RABEP1: variants seen among roughly 807,000 people sequenced by gnomAD.
RABEP1 encodes the protein rab GTPase-binding effector protein 1.
RABEP1 carries 51 observed loss-of-function variants against 123.4 expected under a neutral mutation model. The ratio of observed to expected loss-of-function variants is 0.41; its 90% CI spans 0.33 to 0.52. The LOEUF (loss-of-function observed/expected upper bound fraction) is 0.52. Ranked by LOEUF, RABEP1 falls within the 20% of genes least tolerant of loss-of-function variation. The pLI is 0.16. For missense variants in RABEP1, 888 were observed against 996.3 expected, an observed-to-expected ratio of 0.89 and a Z score of 1.46; for synonymous variants, 347 against 355.2, an observed-to-expected ratio of 0.98 and a Z score of 0.26.
chr17:5,323,844 A>G (rs947497799), intron 2 of RABEP1, among the ~76,000 whole-genome samples: 2 of 139,982 alleles, frequency 1.4e-5, no homozygotes, highest in Admixed American at 7.4e-5. Context: ...CTAGGAATAT[A>G]TATATATATC....
intron 5 of RABEP1, among the ~76,000 whole-genome samples, chr17:5,340,694 C>T (rs1262728793): frequency 6.7e-6 from 1 of 149,130 alleles, no homozygotes; most frequent in Non-Finnish European, 1.5e-5. Context: ...TGCCTGTAAT[C>T]CCAGCACTTT....
At chr17:5,297,801 C>T (rs1440644448) in intron 1 of RABEP1, among the ~76,000 whole-genome samples, 3 of 152,164 alleles carry the variant, frequency 2.0e-5, no homozygotes, top group Non-Finnish European at 4.4e-5. Flanking sequence ...GATTCAAACC[C>T]TAGTTTAATT....
At chr17:5,377,371 T>C in intron 14 of RABEP1, 66 bp downstream of exon 14, 1 of 1,299,178 alleles carries the variant, frequency 7.7e-7, no homozygotes, top group Non-Finnish European at 1.0e-6. Flanking sequence ...AAAGAAGCAA[T>C]ACATGGCCAT....
chr17:5,327,046 G>A (rs1416632602), intron 2 of RABEP1, among the ~76,000 whole-genome samples: 1 of 152,148 alleles, frequency 6.6e-6, no homozygotes, highest in African/African-American at 2.4e-5. Context: ...TGATATTTTT[G>A]TATTAAACAT....
intron 2 of RABEP1, among the ~76,000 whole-genome samples, chr17:5,316,208 TG>T (rs2075293227): frequency 6.6e-6 from 1 of 152,144 alleles, no homozygotes. Flanking sequence ...CCTATCACTT[TG>T]GGAGGCCGAG....
At chr17:5,320,703 TTAAAG>T (rs1017785590) in intron 2 of RABEP1, among the ~76,000 whole-genome samples, 3 of 152,176 alleles carry the variant, frequency 2.0e-5, no homozygotes, top group Non-Finnish European at 4.4e-5. Flanking sequence ...TAAGTTGTCT[TTAAAG>T]TAACTTGTTA....
At position 5,297,340 on chromosome 17, in the gene RABEP1, T is replaced by C. The variant is rs2075092967; in HGVS notation, c.35-11354T>C. On this transcript the variant is annotated intron_variant, in intron 1 of 17. Transcript: ENST00000537505. ...GTAAAGGAAAATAATTTGTAATTAATACAGATTGCTTACAGATTTCAACGT... is the reference window on the plus strand; with the variant it reads ...GTAAAGGAAAATAATTTGTAATTAACACAGATTGCTTACAGATTTCAACGT... Among the ~76,000 whole-genome samples, 3 of 152,236 alleles carry C rather than the reference T, an allele frequency of 2.0e-5. No individual in the cohort carries two copies. In the South Asian group the frequency reaches 6.2e-4, roughly 31 times the overall value.
rs1567540327 is a variant in RABEP1, at chr17:5,354,504, A to AAT, written c.1095+14_1095+15insAT. On this transcript the variant is annotated intron_variant, in intron 8 of 17. Coordinates refer to ENST00000537505, the MANE Select transcript of RABEP1 (RefSeq NM_004703.6). ...TCAAATGAAGAGGTATAGTGAGTCT[A>AAT]TAATTAAAGTCATTAAATACACAAT... is the stretch of plus-strand genomic sequence containing the variant. 1 of 1,588,244 alleles carries AAT rather than the reference A, an allele frequency of 6.3e-7. No homozygotes were observed. The highest frequency in any genetic ancestry group is 8.5e-7 in the Non-Finnish European group (1 of 1,171,380).
intron 6 of RABEP1, among the ~76,000 whole-genome samples, chr17:5,348,376 A>G (rs16954548): frequency 0.14 from 21,132 of 152,224 alleles, 1,546 homozygotes; most frequent in East Asian, 0.17. Flanking sequence ...ATTCAAGGCC[A>G]TTTGCATGTG....
rs1435781500 is a variant in RABEP1 at position 5,385,200 on chromosome 17, G to C, written c.*1977G>C. On this transcript the variant is annotated 3_prime_UTR_variant, in exon 18 of 18. Coordinates refer to ENST00000537505, the MANE Select transcript of RABEP1 (RefSeq NM_004703.6). ...AGTTTTGTTTAGCAATGTGTTTCTG[G>C]TATGAAACAAACTACTGTGTCACTG... 4.4e-6 allele frequency: 1 copy of C among 229,862 alleles called. No homozygotes were observed. The highest frequency in any genetic ancestry group is 8.6e-6 in the Non-Finnish European group (1 of 116,058). The allele number at this position is 229,862 out of a possible 1,614,324, so 14.2% of individuals were successfully genotyped here. A position where few individuals can be genotyped will look rare whatever the true frequency, so the allele number is the denominator to read the frequency against.
chr17:5,304,496 C>A (rs1468598716), intron 1 of RABEP1, among the ~76,000 whole-genome samples: 2 of 151,672 alleles, frequency 1.3e-5, no homozygotes, highest in Non-Finnish European at 2.9e-5. Context: ...GCAGGAGGAT[C>A]GCTTGAACCC....
At chr17:5,306,829 A>G (rs935115394) in intron 1 of RABEP1, among the ~76,000 whole-genome samples, 4 of 152,176 alleles carry the variant, frequency 2.6e-5, no homozygotes, top group Non-Finnish European at 4.4e-5. Context: ...ACATTTATCA[A>G]GTTATAGTAA....
intron 3 of RABEP1, among the ~76,000 whole-genome samples, chr17:5,334,015 A>G (rs1323191831): frequency 6.6e-6 from 1 of 151,460 alleles, no homozygotes; most frequent in African/African-American, 2.4e-5. Flanking sequence ...AGGAGTGGAA[A>G]TTAATGGGCA....
At chr17:5,353,684 C>T (rs1463836315) in intron 7 of RABEP1, among the ~76,000 whole-genome samples, 1 of 151,658 alleles carries the variant, frequency 6.6e-6, no homozygotes, top group Non-Finnish European at 1.5e-5. Context: ...CCCATCTATG[C>T]AAAAAAACCA....
At chr17:5,367,362 C>T (rs1054804116) in intron 11 of RABEP1, among the ~76,000 whole-genome samples, 13 of 151,886 alleles carry the variant, frequency 8.6e-5, no homozygotes, top group Middle Eastern at 3.4e-3. Flanking sequence ...ACGTCTGCCT[C>T]CCAGGTTCAA....
At chr17:5,349,291 G>A (rs1223935634) in intron 6 of RABEP1, among the ~76,000 whole-genome samples, 2 of 152,214 alleles carry the variant, frequency 1.3e-5, no homozygotes, top group Admixed American at 1.3e-4. Context: ...AGGGGCCTCT[G>A]TTGTAGTTGT....
chr17:5,350,483 C>T lies in RABEP1; in HGVS notation c.817C>T (p.His273Tyr), dbSNP rs1025530402. The T allele has an allele frequency of 2.5e-6, 4 of 1,613,876 alleles. No individual in the cohort carries two copies. Among genetic ancestry groups the T allele is most frequent in the South Asian group, 1.1e-5 (1 of 91,010 alleles). ...TCTCTTGGAGCAAGAGCGACAACAA[C>T]ACAACCAGTTAAAACATACGTGGCA... Reference protein sequence around the residue: ...CHLLEQERQQHNQLKHTWQKA... With the variant: ...CHLLEQERQQYNQLKHTWQKA... Residue 273 changes from histidine (H) to tyrosine (Y), a missense_variant, in exon 7 of 18, where the codon CAC becomes TAC. His to Tyr is a moderately conservative substitution (Grantham distance 83). Coordinates refer to ENST00000537505, the MANE Select transcript of RABEP1 (RefSeq NM_004703.6).
chr17:5,353,924 G>T (rs1388193861), intron 7 of RABEP1, among the ~76,000 whole-genome samples: 3 of 152,216 alleles, frequency 2.0e-5, no homozygotes, highest in Non-Finnish European at 4.4e-5. Context: ...GGTTGAGGCT[G>T]CAGTGAACCA....
chr17:5,300,059 G>C (rs1007788000), intron 1 of RABEP1, among the ~76,000 whole-genome samples: 7 of 151,992 alleles, frequency 4.6e-5, no homozygotes, highest in Non-Finnish European at 8.8e-5. Context: ...TTTTCTCTCT[G>C]ATTGGACTCC....
Sources: allele counts gnomAD v4.1 joint callset (sites outside exome capture counted in the v4.1 genomes callset), GRCh38; gene constraint gnomAD v4.1.1; transcripts MANE v1.5; gene names NCBI Gene and HGNC (gene_info 2026-07-23, HGNC 2026-07-21).